ZFPM2: variants seen among roughly 807,000 people sequenced by gnomAD.
The protein encoded by ZFPM2 is zinc finger protein ZFPM2.
In ZFPM2, 20 loss-of-function variants were observed where a neutral mutation model predicts 98.6. The observed-to-expected ratio is 0.20, with a 90% CI of 0.14 to 0.29. ZFPM2 has a LOEUF of 0.29. Ranked by LOEUF, ZFPM2 falls within the 10% of genes least tolerant of loss-of-function variation. ZFPM2 has a pLI of 1.00. For missense variants in ZFPM2, 1,310 were observed against 1,388.6 expected, an observed-to-expected ratio of 0.94 and a Z score of 0.90; for synonymous variants, 518 against 502.7, an observed-to-expected ratio of 1.03 and a Z score of -0.41.
intron 3 of ZFPM2, among the ~76,000 whole-genome samples, chr8:105,513,319 C>T (rs1023733303): frequency 6.6e-6 from 1 of 152,084 alleles, no homozygotes; most frequent in African/African-American, 2.4e-5. Flanking sequence ...AGCGAAATAC[C>T]TGCACTCATG....
chr8:105,679,051 TA>T (rs1409416993), intron 5 of ZFPM2: 1 of 152,206 alleles, frequency 6.6e-6, no homozygotes, highest in Non-Finnish European at 1.5e-5. Flanking sequence ...TTTTTCTCTG[TA>T]AAATGGGTTA....
At chr8:105,797,244 G>GA (rs145931548) in intron 6 of ZFPM2, 7 of 152,068 alleles carry the variant, frequency 4.6e-5, no homozygotes, top group Non-Finnish European at 1.0e-4. Flanking sequence ...GATGAAGGGG[G>GA]AAAAAACACA....
At chr8:105,562,127 C>T (rs1403241337) in intron 4 of ZFPM2, among the ~76,000 whole-genome samples, 3 of 151,420 alleles carry the variant, frequency 2.0e-5, no homozygotes, top group South Asian at 2.1e-4. Flanking sequence ...CCAAACATGG[C>T]GAAACCCATC....
At position 105,518,717 on chromosome 8, in the gene ZFPM2, C is replaced by T. The variant is rs75861344; in HGVS notation, c.302-42646C>T. Among the ~76,000 whole-genome samples, 21 of 152,266 alleles carry T rather than the reference C, an allele frequency of 1.4e-4. No individual in the cohort carries two copies. The East Asian group carries it at 3.5e-3, about 25-fold the overall frequency. ...GAAAGCCTGGTTGAAGAGTGCATAC[C>T]TTTGAAAAATATGTACTAGACAAGC... On this transcript the variant is annotated intron_variant, in intron 3 of 7. Transcript: ENST00000407775.
intron 1 of ZFPM2, among the ~76,000 whole-genome samples, chr8:105,344,941 T>C (rs1812489731): frequency 6.6e-6 from 1 of 152,128 alleles, no homozygotes. Context: ...TAAACAACAA[T>C]AAGAAAGTTA....
chr8:105,622,114 C>A (rs941073400), intron 4 of ZFPM2, among the ~76,000 whole-genome samples: 4 of 151,280 alleles, frequency 2.6e-5, no homozygotes, highest in Non-Finnish European at 4.4e-5. Context: ...AGAAAAAAAA[C>A]AAAAAGAATT....
Position 105,444,280 on chromosome 8 carries a change from G to C in ZFPM2, c.200G>C (p.Gly67Ala), listed in dbSNP as rs371517384. The part of the protein sequence containing the change: ...CEEVEYFCNK[G>A]DDEGIQETAE... The stretch of plus-strand genomic sequence containing the variant: ...CTCTCCTTGTGTTGGTGTTTTCCAG[G>C]TGATGATGAAGGAATCCAGGAGACA... The change falls in exon 3 of 8, where the codon GGT becomes GCT. Residue 67 changes from glycine to alanine, a missense_variant and splice_region_variant. Transcript: ENST00000407775. 2 of 1,608,750 alleles carry C rather than the reference G, an allele frequency of 1.2e-6. No individual in the cohort carries two copies. The highest frequency in any genetic ancestry group is 1.7e-6 in the Non-Finnish European group (2 of 1,177,374).
intron 3 of ZFPM2, among the ~76,000 whole-genome samples, chr8:105,499,063 G>A (rs1283169132): frequency 2.0e-5 from 3 of 152,040 alleles, no homozygotes; most frequent in African/African-American, 7.2e-5. Context: ...ATTTAAAATA[G>A]GCATAGTTTG....
intron 5 of ZFPM2, among the ~76,000 whole-genome samples, chr8:105,786,260 A>G (rs1286104653): frequency 6.6e-6 from 1 of 152,134 alleles, no homozygotes; most frequent in Non-Finnish European, 1.5e-5. Flanking sequence ...CACCTTGGAT[A>G]GCTTGTCTAA....
In ZFPM2 at chr8:105,535,089, T is replaced by C. The variant is rs1586444169; in HGVS notation, c.302-26274T>C. Among the ~76,000 whole-genome samples, 5 of 152,280 alleles carry C rather than the reference T, an allele frequency of 3.3e-5. No individual in the cohort carries two copies. The South Asian group carries it at 1.0e-3, about 32-fold the overall frequency. On this transcript the variant is annotated intron_variant, in intron 3 of 7. Coordinates refer to ENST00000407775, the MANE Select transcript of ZFPM2 (RefSeq NM_012082.4). ...CCTGAATCAAACATATGAAGGCATA[T>C]CATTGGGGAATAAATAGACTGGAAA...
chr8:105,693,439 G>A (rs1024796150), intron 5 of ZFPM2, among the ~76,000 whole-genome samples: 1 of 152,168 alleles, frequency 6.6e-6, no homozygotes, highest in African/African-American at 2.4e-5. Context: ...AGTTGTTAAT[G>A]CTGAGGTCTC....
At chr8:105,461,458 G>A (rs1444696229) in intron 3 of ZFPM2, among the ~76,000 whole-genome samples, 1 of 152,068 alleles carries the variant, frequency 6.6e-6, no homozygotes, top group Non-Finnish European at 1.5e-5. Flanking sequence ...CATCCGGTTA[G>A]GCTCACTGAT....
intron 5 of ZFPM2, among the ~76,000 whole-genome samples, chr8:105,786,878 G>C (rs1813429343): frequency 6.6e-6 from 1 of 152,168 alleles, no homozygotes; most frequent in Admixed American, 6.5e-5. Flanking sequence ...CTTTGCTTTT[G>C]TGAAAGGTAC....
intron 4 of ZFPM2, among the ~76,000 whole-genome samples, chr8:105,572,697 C>T (rs1298815240): frequency 7.9e-5 from 12 of 151,546 alleles, no homozygotes; most frequent in East Asian, 4.0e-4. Context: ...GAAGAACTCC[C>T]GACCTCAGGT....
At chr8:105,619,292 C>T (rs1387738866) in intron 4 of ZFPM2, among the ~76,000 whole-genome samples, 1 of 151,960 alleles carries the variant, frequency 6.6e-6, no homozygotes, top group East Asian at 1.9e-4. Flanking sequence ...TTGCACCTTC[C>T]AAATGTACCA....
At chr8:105,695,248 TGA>T (rs1464973022) in intron 5 of ZFPM2, among the ~76,000 whole-genome samples, 1 of 152,112 alleles carries the variant, frequency 6.6e-6, no homozygotes, top group African/African-American at 2.4e-5. Flanking sequence ...CTCTATCTCC[TGA>T]GAAAATACGT....
chr8:105,487,554 A>G (rs936329392), intron 3 of ZFPM2, among the ~76,000 whole-genome samples: 10 of 152,206 alleles, frequency 6.6e-5, no homozygotes, highest in African/African-American at 2.4e-4. Flanking sequence ...TATGGAGTGT[A>G]TACTTTGACG....
chr8:105,627,357 G>A (rs1055492334), intron 4 of ZFPM2, among the ~76,000 whole-genome samples: 3 of 152,064 alleles, frequency 2.0e-5, no homozygotes, highest in Non-Finnish European at 2.9e-5. Flanking sequence ...GGTTCAAACC[G>A]TGTCCAGGAG....
chr8:105,348,156 A>G (rs942455923), intron 1 of ZFPM2, among the ~76,000 whole-genome samples: 6 of 152,188 alleles, frequency 3.9e-5, no homozygotes, highest in South Asian at 2.1e-4. Flanking sequence ...ATCATAGTCT[A>G]TGTGGATAGA....
Sources: gnomAD v4.1 joint callset for allele counts (sites outside exome capture counted in the v4.1 genomes callset) on GRCh38, gnomAD v4.1.1 for gene constraint, MANE v1.5 for transcripts, NCBI Gene and HGNC (gene_info 2026-07-23, HGNC 2026-07-21) for gene names.